The following SLIT2 variants were observed in gnomAD, a reference collection of about 807,000 sequenced individuals.
The protein encoded by SLIT2 is slit guidance ligand 2.
SLIT2 carries 41 observed loss-of-function variants against 185.7 expected under a neutral mutation model. That is an observed-to-expected ratio of 0.22 (90% CI 0.17 to 0.29). SLIT2 has a LOEUF of 0.29. Ranked by LOEUF, SLIT2 falls within the 10% of genes least tolerant of loss-of-function variation. The probability of loss-of-function intolerance (pLI) is 1.00; values close to 1 mark genes in which losing one functional copy is unlikely to be tolerated. For missense variants in SLIT2, 1,571 were observed against 1,909.0 expected, an observed-to-expected ratio of 0.82 and a Z score of 3.30; for synonymous variants, 693 against 680.2, an observed-to-expected ratio of 1.02 and a Z score of -0.29.
intron 4 of SLIT2, among the ~76,000 whole-genome samples, chr4:20,362,349 G>T (rs1722805406): frequency 6.6e-6 from 1 of 152,102 alleles, no homozygotes; most frequent in Non-Finnish European, 1.5e-5. Flanking sequence ...GGTCTCAAGG[G>T]AACCTGACAA....
intron 22 of SLIT2, 49 bp from the exon 23 acceptor site, chr4:20,548,439 T>G (rs1043656118): frequency 2.2e-6 from 2 of 929,590 alleles, no homozygotes; most frequent in South Asian, 1.3e-5. Flanking sequence ...ATCACTAATA[T>G]TTTCATTTCT....
intron 7 of SLIT2, among the ~76,000 whole-genome samples, chr4:20,487,737 T>A (rs1171063553): frequency 6.6e-6 from 1 of 152,222 alleles, no homozygotes; most frequent in Non-Finnish European, 1.5e-5. Context: ...CAAAACATTG[T>A]GTTCCTTATC....
At chr4:20,472,306 C>CTATA (rs375571344) in intron 5 of SLIT2, among the ~76,000 whole-genome samples, 1 of 17,516 alleles carries the variant, frequency 5.7e-5, no homozygotes, top group Non-Finnish European at 8.6e-5. Flanking sequence ...ATATATAGAT[C>CTATA]TATATATAGA....
intron 4 of SLIT2, among the ~76,000 whole-genome samples, chr4:20,442,545 G>T (rs866646506): frequency 3.9e-4 from 38 of 98,090 alleles, no homozygotes; most frequent in Middle Eastern, 4.1e-3. Flanking sequence ...AAAAAAAAAG[G>T]GGGGGGAGGG....
chr4:20,558,050 A>G (rs1724403929), intron 26 of SLIT2, among the ~76,000 whole-genome samples: 1 of 152,092 alleles, frequency 6.6e-6, no homozygotes, highest in Non-Finnish European at 1.5e-5. Context: ...GAGCAAACAA[A>G]GTGGTTTATT....
In SLIT2 at chr4:20,293,620, G is replaced by T. The variant is rs973851454; in HGVS notation, c.395+24739G>T. ...TTTCAGGGTTTAGCATCAATTCTTA[G>T]CTTTCTTCCTGAAACCATTTCCCAT... On this transcript the variant is annotated intron_variant, in intron 4 of 36. Transcript: ENST00000504154. Among the ~76,000 whole-genome samples the T allele has an allele frequency of 4.6e-5, 7 of 152,164 alleles. No individual in the cohort carries two copies. The East Asian group carries it at 9.6e-4, about 21-fold the overall frequency.
chr4:20,354,520 A>G (rs7657242), intron 4 of SLIT2, among the ~76,000 whole-genome samples: 32,409 of 152,176 alleles, frequency 0.21, 3,873 homozygotes, highest in Non-Finnish European at 0.28. Flanking sequence ...TGTTAAGGGC[A>G]CTAAAAATGT....
chr4:20,525,057 A>G, intron 14 of SLIT2, 92 bp from the exon 15 acceptor site: 1 of 911,578 alleles, frequency 1.1e-6, no homozygotes. Flanking sequence ...TAATTGCAGT[A>G]ACTTTAGTCC....
chr4:20,348,691 C>G (rs1721635841), intron 4 of SLIT2, among the ~76,000 whole-genome samples: 1 of 152,152 alleles, frequency 6.6e-6, no homozygotes, highest in African/African-American at 2.4e-5. Context: ...ACTGTAATCC[C>G]AGGTGACTGG....
At chr4:20,417,945 T>A (rs1052037077) in intron 4 of SLIT2, among the ~76,000 whole-genome samples, 1 of 152,204 alleles carries the variant, frequency 6.6e-6, no homozygotes, top group Non-Finnish European at 1.5e-5. Context: ...TATGCTCCAC[T>A]GTAGCCCATA....
At chr4:20,597,069 T>G (rs990587843) in intron 32 of SLIT2, among the ~76,000 whole-genome samples, 48 of 121,308 alleles carry the variant, frequency 4.0e-4, no homozygotes, top group African/African-American at 1.7e-3. Context: ...TGTTTTGTTG[T>G]TTTTTTTTTT....
chr4:20,323,467 C>A (rs1560316904), intron 4 of SLIT2, among the ~76,000 whole-genome samples: 1 of 151,774 alleles, frequency 6.6e-6, no homozygotes, highest in Admixed American at 6.6e-5. Flanking sequence ...GAATCATATT[C>A]AAAATACTTT....
chr4:20,519,867 C>T (rs532855672), intron 12 of SLIT2, among the ~76,000 whole-genome samples: 2 of 151,714 alleles, frequency 1.3e-5, no homozygotes, highest in African/African-American at 2.4e-5. Flanking sequence ...CCCATCTCTA[C>T]TAACAAACAA....
rs572485624 is a variant in SLIT2, at chr4:20,483,795, A to G, written c.540-2405A>G. Among the ~76,000 whole-genome samples, 3 of 152,266 alleles carry G rather than the reference A, an allele frequency of 2.0e-5. No individual in the cohort carries two copies. In the South Asian group the frequency reaches 6.2e-4, roughly 32 times the overall value. On this transcript the variant is annotated intron_variant, in intron 6 of 36. Transcript: ENST00000504154. ...GTTGAGCACAGAAATAGACTTACAC[A>G]TGGGAGAAAATGTTCACAACTAAAT... is the stretch of plus-strand genomic sequence containing the variant.
At chr4:20,543,777 G>A (rs971139497) in intron 21 of SLIT2, among the ~76,000 whole-genome samples, 25 of 152,124 alleles carry the variant, frequency 1.6e-4, no homozygotes, top group Non-Finnish European at 3.5e-4. Flanking sequence ...TTAGAACACG[G>A]CTCTTAGATT....
rs201134687 is a variant in SLIT2 at position 20,355,940 on chromosome 4, ACT to A, written c.395+87060_395+87061del. 9.6e-3 allele frequency among the ~76,000 whole-genome samples: 1,459 copies of A among 152,264 alleles called. 18 individuals are homozygous for A. The highest frequency in any genetic ancestry group is 0.033 in the African/African-American group (1,354 of 41,558). ...TTTATAAATCTGATGCATACATTTG[ACT>A]GATAGGATACAGACTTTTAAGGACC... On this transcript the variant is annotated intron_variant, in intron 4 of 36. Coordinates refer to ENST00000504154, the MANE Select transcript of SLIT2 (RefSeq NM_004787.4).
At chr4:20,379,993 A>G (rs1452272554) in intron 4 of SLIT2, among the ~76,000 whole-genome samples, 2 of 152,178 alleles carry the variant, frequency 1.3e-5, no homozygotes, top group African/African-American at 4.8e-5. Flanking sequence ...AGAGGGGTTC[A>G]GTCAAGTGTT....
At chr4:20,360,100 T>G (rs1488580578) in intron 4 of SLIT2, among the ~76,000 whole-genome samples, 1 of 152,136 alleles carries the variant, frequency 6.6e-6, no homozygotes, top group African/African-American at 2.4e-5. Flanking sequence ...TCACTCCCTC[T>G]CTACACTTTA....
rs367855245 is a variant in SLIT2 at position 20,417,436 on chromosome 4, G to GTATATATATATATATATATATA, written c.396-50315_396-50294dup. Among the ~76,000 whole-genome samples the GTATATATATATATATATATATA allele has an allele frequency of 8.5e-3, 1,044 of 123,334 alleles. 10 individuals are homozygous for GTATATATATATATATATATATA. The highest frequency in any genetic ancestry group is 0.012 in the Non-Finnish European group (661 of 56,568). The allele number at this position is 123,334 out of a possible 152,430, so 80.9% of individuals were successfully genotyped here. ...CGCAATCATATATATATGTGTGTGT[G>GTATATATATATATATATATATA]TATATATATATATATATATATACGT... is the stretch of plus-strand genomic sequence containing the variant. On this transcript the variant is annotated intron_variant, in intron 4 of 36. Transcript: ENST00000504154.
Sources: allele counts gnomAD v4.1 joint callset (sites outside exome capture counted in the v4.1 genomes callset), GRCh38; gene constraint gnomAD v4.1.1; transcripts MANE v1.5; gene names NCBI Gene and HGNC (gene_info 2026-07-23, HGNC 2026-07-21).